CCL16: variants seen among roughly 807,000 people sequenced by gnomAD.
CCL16 encodes the protein C-C motif chemokine 16.
A neutral mutation model predicts 7.5 loss-of-function variants in CCL16; 6 were observed. That is an observed-to-expected ratio of 0.80 (90% confidence interval 0.44 to 1.57). The LOEUF (loss-of-function observed/expected upper bound fraction) is 1.57. Ranked by LOEUF, CCL16 falls within the 40% of genes most tolerant of loss-of-function variation. CCL16 has a pLI of 0.01. For synonymous variants in CCL16, 60 were observed against 57.7 expected (o/e 1.04, Z -0.18); for missense variants, 134 against 142.9 (o/e 0.94, Z 0.32).
In CCL16 at chr17:35,978,194, C is replaced by G. The variant is rs2089654910; in HGVS notation, c.146G>C (p.Arg49Thr). The G allele has an allele frequency of 6.2e-7, 1 of 1,614,108 alleles. No homozygotes were observed. The highest frequency in any genetic ancestry group is 1.3e-5 in the African/African-American group (1 of 74,940). The change falls in exon 2 of 3, where the codon AGA (arginine) becomes ACA (threonine). Residue 49 changes from arginine to threonine, a missense_variant. By Grantham distance (71) the Arg-to-Thr change is moderately conservative. Transcript: ENST00000611905. The part of the protein sequence containing the change: ...LKYYEKVLPR[R>T]LVVGYRKALN... ...GGCCTTTCTGTATCCCACCACTAGT[C>G]TCCTTGGCAACACTTTCTCATAATA...
Position 35,977,222 on chromosome 17 carries a change from G to A in CCL16, c.*344C>T. The A allele has an allele frequency of 1.9e-5, 3 of 158,596 alleles. No individual in the cohort carries two copies. Among genetic ancestry groups the A allele is most frequent in the Admixed American group, 6.5e-5 (1 of 15,464 alleles). The allele number at this position is 158,596 out of a possible 1,614,324, so 9.8% of individuals were successfully genotyped here. ...AGTCCCAGCTACTCGGGAGGCTGGG[G>A]TGGGAGGATCACTTGAGCCTGGGAG... is the stretch of plus-strand genomic sequence containing the variant. On this transcript the variant is annotated 3_prime_UTR_variant, in exon 3 of 3. Coordinates refer to ENST00000611905, the MANE Select transcript of CCL16 (RefSeq NM_004590.4).
chr17:35,978,045 C>T (rs2089652532), intron 2 of CCL16, 98 bp downstream of exon 2: 1 of 1,535,802 alleles, frequency 6.5e-7, no homozygotes, highest in Non-Finnish European at 8.9e-7. Flanking sequence ...CACTGCTCCA[C>T]TGCTTCTAGC....
chr17:35,979,401 T>C (rs913887567), intron 1 of CCL16, among the ~76,000 whole-genome samples: 1 of 151,552 alleles, frequency 6.6e-6, no homozygotes, highest in Admixed American at 6.6e-5. Context: ...GGTGAGAGAG[T>C]AGAGCCTTTA....
Position 35,981,433 on chromosome 17 carries a change from G to T in CCL16, c.-13C>A, listed in dbSNP as rs763824864. 1.9e-6 allele frequency: 3 copies of T among 1,598,688 alleles called. No individual in the cohort carries two copies. The highest frequency in any genetic ancestry group is 2.7e-5 in the African/African-American group (2 of 74,622). On this transcript the variant is annotated 5_prime_UTR_variant, in exon 1 of 3. Coordinates refer to ENST00000611905, the MANE Select transcript of CCL16 (RefSeq NM_004590.4). ...CGGAGACCTTCATCCTCTCAGCGAG[G>T]CAGTACAGCTTCAGGGAGAGCCGAA...
intron 1 of CCL16, chr17:35,980,270 C>A (rs1425434019): frequency 6.5e-6 from 1 of 152,982 alleles, no homozygotes; most frequent in East Asian, 1.9e-4. Context: ...TACCTGTAAT[C>A]CTAGCACTTT....
In CCL16 at chr17:35,980,496, G is replaced by A. The variant is rs183384812; in HGVS notation, c.76+849C>T. The A allele has an allele frequency of 1.3e-4, 22 of 172,988 alleles. No homozygotes were observed. In the Middle Eastern group the frequency reaches 8.4e-3, roughly 66 times the overall value. 10.7% of individuals were successfully genotyped at this position (172,988 alleles called of 1,614,324 possible). A position where few individuals can be genotyped will look rare whatever the true frequency, so the allele number is the denominator to read the frequency against. On this transcript the variant is annotated intron_variant, in intron 1 of 2. Coordinates refer to ENST00000611905, the MANE Select transcript of CCL16 (RefSeq NM_004590.4). ...AGATCGCGACACTGCGCTCCAACCT[G>A]GGCAACAAGAGCGAAACTCCATCAC...
intron 1 of CCL16, among the ~76,000 whole-genome samples, chr17:35,979,678 T>C (rs1308932602): frequency 3.9e-5 from 6 of 152,154 alleles, no homozygotes; most frequent in Admixed American, 1.3e-4. Context: ...TCAGTGCTTA[T>C]TATAATTAAG....
rs982038982 is a variant in CCL16, at chr17:35,976,898, C to T, written c.*668G>A. The stretch of plus-strand genomic sequence containing the variant: ...ATGGGGCTCTTAATGGGTCAAGACC[C>T]AGAGGGCAAAGATCATCTGGAAGGC... On this transcript the variant is annotated 3_prime_UTR_variant, in exon 3 of 3. Coordinates refer to ENST00000611905, the MANE Select transcript of CCL16 (RefSeq NM_004590.4). 1 of 152,190 alleles carries T rather than the reference C, an allele frequency of 6.6e-6. No individual in the cohort carries two copies. The highest frequency in any genetic ancestry group is 1.5e-5 in the Non-Finnish European group (1 of 68,072). 9.4% of individuals were successfully genotyped at this position (152,190 alleles called of 1,614,324 possible). A position where few individuals can be genotyped will look rare whatever the true frequency, so the allele number is the denominator to read the frequency against.
chr17:35,980,150 T>C (rs926591815), intron 1 of CCL16, among the ~76,000 whole-genome samples: 2 of 152,154 alleles, frequency 1.3e-5, no homozygotes, highest in Non-Finnish European at 2.9e-5. Flanking sequence ...TGTGGGCAGA[T>C]TACATGGTGC....
In CCL16 at chr17:35,978,236, G is replaced by A. The variant is rs111316280; in HGVS notation, c.104C>T (p.Ser35Phe). The A allele has an allele frequency of 6.2e-6, 10 of 1,614,212 alleles. No individual in the cohort carries two copies. Among genetic ancestry groups the A allele is most frequent in the African/African-American group, 5.3e-5 (4 of 75,058 alleles). The part of the protein sequence containing the change: ...PKVPEWVNTP[S>F]TCCLKYYEKV... ...CTCATAATACTTCAGGCAGCAGGTG[G>A]ATGGGGTGTTCACCCACTCAGGAAC... The change falls in exon 2 of 3, where the codon TCC becomes TTC. Residue 35 changes from serine to phenylalanine, a missense_variant. Ser to Phe is a radical substitution (Grantham distance 155). Transcript: ENST00000611905.
Position 35,977,302 on chromosome 17 carries a change from C to T in CCL16, c.*264G>A, listed in dbSNP as rs2089644792. ...GAGCCAAGATCACACCACTGCACTC[C>T]AGCCTGGGTGACAGAGTAAGACCCT... is the stretch of plus-strand genomic sequence containing the variant. On this transcript the variant is annotated 3_prime_UTR_variant, in exon 3 of 3. Transcript: ENST00000611905. 1 of 201,378 alleles carries T rather than the reference C, an allele frequency of 5.0e-6. No individual in the cohort carries two copies. Among genetic ancestry groups the T allele is most frequent in the Admixed American group, 6.0e-5 (1 of 16,798 alleles). The allele number at this position is 201,378 out of a possible 1,614,324, so 12.5% of individuals were successfully genotyped here. A position where few individuals can be genotyped will look rare whatever the true frequency, so the allele number is the denominator to read the frequency against.
intron 1 of CCL16, among the ~76,000 whole-genome samples, chr17:35,979,819 A>C (rs1361337149): frequency 1.3e-5 from 2 of 152,112 alleles, no homozygotes; most frequent in East Asian, 3.9e-4. Context: ...CTGACTACCC[A>C]TCAATTGGGG....
chr17:35,977,045 G>A lies in CCL16; in HGVS notation c.*521C>T, dbSNP rs1039140225. 1 of 152,710 alleles carries A rather than the reference G, an allele frequency of 6.5e-6. No homozygotes were observed. Among genetic ancestry groups the A allele is most frequent in the South Asian group, 2.1e-4 (1 of 4,846 alleles). 9.5% of individuals were successfully genotyped at this position (152,710 alleles called of 1,614,324 possible). Reference sequence around the variant, plus strand: ...TATTAAGAGTGCACTGGCCGGATGTGGTGGCTCACGCCTGTAATCCCAGCA... The same window carrying A: ...TATTAAGAGTGCACTGGCCGGATGTAGTGGCTCACGCCTGTAATCCCAGCA... On this transcript the variant is annotated 3_prime_UTR_variant, in exon 3 of 3. Coordinates refer to ENST00000611905, the MANE Select transcript of CCL16 (RefSeq NM_004590.4).
Position 35,977,557 on chromosome 17 carries a change from G to A in CCL16, c.*9C>T. 6.2e-7 allele frequency: 1 copy of A among 1,612,084 alleles called. No homozygotes were observed. The highest frequency in any genetic ancestry group is 8.5e-7 in the Non-Finnish European group (1 of 1,179,618). On this transcript the variant is annotated 3_prime_UTR_variant, in exon 3 of 3. Coordinates refer to ENST00000611905, the MANE Select transcript of CCL16 (RefSeq NM_004590.4). ...TCTGTAAACAAGGGCTTCCACTAAA[G>A]CCTGGTCATCACTGGGAGTTGAGGA...
intron 2 of CCL16, 55 bp downstream of exon 2, chr17:35,978,088 C>A (rs1416152099): frequency 6.2e-7 from 1 of 1,611,438 alleles, no homozygotes; most frequent in African/African-American, 1.3e-5. Context: ...TATCTCATTC[C>A]TGCCCCTGGG....
At chr17:35,979,515 G>A (rs938093269) in intron 1 of CCL16, among the ~76,000 whole-genome samples, 5 of 152,102 alleles carry the variant, frequency 3.3e-5, no homozygotes, top group Non-Finnish European at 7.4e-5. Context: ...CTTGAATCAT[G>A]GGCAAATTTC....
chr17:35,980,122 AG>A, intron 1 of CCL16, among the ~76,000 whole-genome samples: 1 of 152,298 alleles, frequency 6.6e-6, no homozygotes, highest in Admixed American at 6.5e-5. Flanking sequence ...TACAAAGACC[AG>A]GGTCATCCTG....
chr17:35,977,570 T>C lies in CCL16; in HGVS notation c.359A>G (p.Gln120Arg). The change falls in exon 3 of 3, where the codon CAG becomes CGG. Residue 120 changes from glutamine to arginine, a missense_variant. Physicochemically the swap from Gln to Arg is conservative, Grantham distance 43. Transcript: ENST00000611905. The stretch of plus-strand genomic sequence containing the variant: ...GCTTCCACTAAAGCCTGGTCATCAC[T>C]GGGAGTTGAGGAGCTGGGGTTGACC... ...KNGQPQLLNSQ is the reference protein window; with the variant it reads ...KNGQPQLLNSR 1 of 1,612,626 alleles carries C rather than the reference T, an allele frequency of 6.2e-7. No homozygotes were observed. The highest frequency in any genetic ancestry group is 1.1e-5 in the South Asian group (1 of 90,996).
intron 1 of CCL16, 42 bp downstream of exon 1, chr17:35,981,303 C>T: frequency 6.9e-7 from 1 of 1,447,732 alleles, no homozygotes; most frequent in Non-Finnish European, 9.6e-7. Context: ...GCTGCTCCAT[C>T]CCCCTTTCTC....
Sources: allele counts gnomAD v4.1 joint callset (sites outside exome capture counted in the v4.1 genomes callset), GRCh38; gene constraint gnomAD v4.1.1; transcripts MANE v1.5; gene names NCBI Gene and HGNC (gene_info 2026-07-23, HGNC 2026-07-21).